Variants in DAPK1 observed in about 807,000 individuals in gnomAD.
DAPK1 encodes death-associated protein kinase 1.
DAPK1 carries 56 observed loss-of-function variants against 144.9 expected under a neutral mutation model. The ratio of observed to expected loss-of-function variants is 0.39; its 90% CI spans 0.31 to 0.48. DAPK1 has a LOEUF of 0.48. DAPK1 is among the 20% of genes least tolerant of loss of function. The pLI is 0.95. For synonymous variants in DAPK1, 690 were observed against 749.0 expected (o/e 0.92, Z 1.29); for missense variants, 1,454 against 1,875.4 (o/e 0.78, Z 4.15).
At chr9:87,543,219 A>G (rs1055368634) in intron 2 of DAPK1, among the ~76,000 whole-genome samples, 2 of 152,232 alleles carry the variant, frequency 1.3e-5, no homozygotes, top group Admixed American at 1.3e-4. Context: ...AAGAATGTCT[A>G]AAACAGATGA....
chr9:87,615,251 C>G (rs546709599), intron 3 of DAPK1, among the ~76,000 whole-genome samples: 1 of 152,356 alleles, frequency 6.6e-6, no homozygotes, highest in Admixed American at 6.5e-5. Context: ...TTTAACAACT[C>G]TTTATTTCCC....
At chr9:87,571,463 A>ACC (rs1827334481) in intron 2 of DAPK1, among the ~76,000 whole-genome samples, 1 of 61,520 alleles carries the variant, frequency 1.6e-5, no homozygotes, top group African/African-American at 8.5e-5. Flanking sequence ...ACACACACAC[A>ACC]CACACACACA....
intron 2 of DAPK1, among the ~76,000 whole-genome samples, chr9:87,562,892 T>C (rs1011440160): frequency 5.9e-5 from 9 of 152,198 alleles, no homozygotes; most frequent in Non-Finnish European, 8.8e-5. Flanking sequence ...TTAAAGAGGA[T>C]TCTTCCCAGG....
At chr9:87,596,929 T>A (rs1158460354) in intron 2 of DAPK1, among the ~76,000 whole-genome samples, 1 of 127,536 alleles carries the variant, frequency 7.8e-6, no homozygotes, top group Non-Finnish European at 1.7e-5. Context: ...CATTGAGAGG[T>A]TGGCTGGACC....
intron 9 of DAPK1, 108 bp downstream of exon 9, chr9:87,640,955 G>A (rs1830073435): frequency 1.8e-6 from 2 of 1,086,024 alleles, no homozygotes; most frequent in African/African-American, 1.6e-5. Context: ...CACACCTGGA[G>A]TGTTAAGTTT....
At chr9:87,582,895 C>T (rs1414891569) in intron 2 of DAPK1, among the ~76,000 whole-genome samples, 1 of 152,100 alleles carries the variant, frequency 6.6e-6, no homozygotes, top group South Asian at 2.1e-4. Context: ...CATAAAAGAC[C>T]TTGAGATACT....
intron 2 of DAPK1, among the ~76,000 whole-genome samples, chr9:87,560,013 G>T (rs1270253471): frequency 3.4e-5 from 5 of 148,090 alleles, no homozygotes; most frequent in East Asian, 2.0e-4. Context: ...TTCTTTTTTT[G>T]TTTTTTTTTG....
chr9:87,570,959 G>T (rs1827308108), intron 2 of DAPK1, among the ~76,000 whole-genome samples: 1 of 152,158 alleles, frequency 6.6e-6, no homozygotes, highest in Non-Finnish European at 1.5e-5. Flanking sequence ...AACACCCCCA[G>T]GATTTGAGGC....
intron 3 of DAPK1, among the ~76,000 whole-genome samples, chr9:87,622,932 G>A (rs1002622341): frequency 3.3e-5 from 5 of 151,972 alleles, no homozygotes; most frequent in African/African-American, 1.2e-4. Flanking sequence ...TAAATAATAA[G>A]GACTTTTTAA....
intron 2 of DAPK1, among the ~76,000 whole-genome samples, chr9:87,564,870 C>T (rs1827060280): frequency 6.6e-6 from 1 of 152,142 alleles, no homozygotes. Context: ...ACAGCCAGTG[C>T]CACTGGCTAT....
intron 2 of DAPK1, among the ~76,000 whole-genome samples, chr9:87,505,673 G>A (rs908054865): frequency 6.6e-6 from 1 of 151,642 alleles, no homozygotes; most frequent in African/African-American, 2.4e-5. Flanking sequence ...GGGATTACAG[G>A]CATGAATCAC....
chr9:87,555,844 C>A (rs1472739356), intron 2 of DAPK1, among the ~76,000 whole-genome samples: 1 of 152,192 alleles, frequency 6.6e-6, no homozygotes, highest in Non-Finnish European at 1.5e-5. Flanking sequence ...TGCAGTCATG[C>A]AAGAGCACAC....
intron 2 of DAPK1, among the ~76,000 whole-genome samples, chr9:87,557,427 T>TC (rs1264583990): frequency 6.6e-6 from 1 of 152,216 alleles, no homozygotes; most frequent in Admixed American, 6.5e-5. Context: ...ACAGCTTTCT[T>TC]CCTGTGATTC....
Position 87,579,703 on chromosome 9 carries a change from A to G in DAPK1, c.63-25251A>G, listed in dbSNP as rs36204441. ...CTCTTCTATTATTTCAAAGTGATTC[A>G]TCTATTTCTGTTTTTTTCAATTCAG... On this transcript the variant is annotated intron_variant, in intron 2 of 25. Coordinates refer to ENST00000408954, the MANE Select transcript of DAPK1 (RefSeq NM_004938.4). 8.2e-3 allele frequency among the ~76,000 whole-genome samples: 1,244 copies of G among 152,270 alleles called. 23 individuals are homozygous for G. The highest frequency in any genetic ancestry group is 0.029 in the African/African-American group (1,188 of 41,560).
At chr9:87,529,646 G>A (rs778292293) in intron 2 of DAPK1, among the ~76,000 whole-genome samples, 1 of 152,216 alleles carries the variant, frequency 6.6e-6, no homozygotes, top group Non-Finnish European at 1.5e-5. Flanking sequence ...GAAGGCCCAG[G>A]TTGCACAGGA....
At chr9:87,614,866 C>T (rs912916261) in intron 3 of DAPK1, among the ~76,000 whole-genome samples, 2 of 152,178 alleles carry the variant, frequency 1.3e-5, no homozygotes, top group Non-Finnish European at 2.9e-5. Context: ...CCACTCAAAC[C>T]TTCCATTTGG....
chr9:87,592,912 C>T (rs977791256), intron 2 of DAPK1, among the ~76,000 whole-genome samples: 3 of 152,204 alleles, frequency 2.0e-5, no homozygotes, highest in Non-Finnish European at 4.4e-5. Flanking sequence ...TTTCTCCTCC[C>T]CCTAGACTTC....
At chr9:87,527,462 A>G (rs1825556089) in intron 2 of DAPK1, among the ~76,000 whole-genome samples, 1 of 152,148 alleles carries the variant, frequency 6.6e-6, no homozygotes, top group Non-Finnish European at 1.5e-5. Context: ...TACACGGATG[A>G]CCATGCGCTG....
chr9:87,519,149 G>A (rs867165204), intron 2 of DAPK1, among the ~76,000 whole-genome samples: 1 of 151,978 alleles, frequency 6.6e-6, no homozygotes, highest in East Asian at 2.0e-4. Flanking sequence ...CTCTGGGCCC[G>A]GCCGATGCCC....
Sources: gnomAD v4.1 joint callset for allele counts (sites outside exome capture counted in the v4.1 genomes callset) on GRCh38, gnomAD v4.1.1 for gene constraint, MANE v1.5 for transcripts, NCBI Gene and HGNC (gene_info 2026-07-23, HGNC 2026-07-21) for gene names.